Variants in PLXNA2 observed in about 807,000 individuals in gnomAD.
PLXNA2 encodes plexin-A2.
Under a neutral mutation model 193.5 loss-of-function variants are expected in PLXNA2, and 91 were observed. The ratio of observed to expected loss-of-function variants is 0.47; its 90% CI spans 0.40 to 0.56. PLXNA2 has a LOEUF of 0.56. Among genes scored for constraint, PLXNA2 ranks in the 20% least tolerant of loss-of-function variants. PLXNA2 has a pLI of 0.00. For synonymous variants in PLXNA2, 997 were observed against 1,027.3 expected, an observed-to-expected ratio of 0.97 and a Z score of 0.56; for missense variants, 1,995 against 2,503.2, an observed-to-expected ratio of 0.80 and a Z score of 4.33.
chr1:208,209,330 A>G (rs959480258), intron 3 of PLXNA2, among the ~76,000 whole-genome samples: 1 of 152,116 alleles, frequency 6.6e-6, no homozygotes, highest in Non-Finnish European at 1.5e-5. Flanking sequence ...ATCCCTCCCA[A>G]GGCTCTAAAT....
rs547621555 is a variant in PLXNA2 at position 208,172,926 on chromosome 1, C to T, written c.1372-30463G>A. Among the ~76,000 whole-genome samples, 209 of 152,268 alleles carry T rather than the reference C, an allele frequency of 1.4e-3. 1 individual carries two copies. Among genetic ancestry groups the T allele is most frequent in the African/African-American group, 4.7e-3 (194 of 41,548 alleles). ...ATCAGTTCAACATCACAGAAAGAGC[C>T]CAGGCCTGAGAGGGAGAAGATTAAC... is the stretch of plus-strand genomic sequence containing the variant. On this transcript the variant is annotated intron_variant, in intron 3 of 31. Transcript: ENST00000367033.
intron 28 of PLXNA2, 31 bp downstream of exon 28, chr1:208,033,288 C>A (rs1664562942): frequency 6.3e-7 from 1 of 1,581,124 alleles, no homozygotes; most frequent in Non-Finnish European, 8.6e-7. Flanking sequence ...CTTTAACAAG[C>A]ACTCCCTGGT....
chr1:208,098,775 T>C, intron 6 of PLXNA2, 71 bp downstream of exon 6: 3 of 1,537,332 alleles, frequency 2.0e-6, no homozygotes, highest in Non-Finnish European at 2.7e-6. Context: ...TGTGCAAGCG[T>C]GAATGGAGCA....
chr1:208,216,498 T>C (rs1003862053), intron 2 of PLXNA2, among the ~76,000 whole-genome samples: 1 of 152,230 alleles, frequency 6.6e-6, no homozygotes, highest in African/African-American at 2.4e-5. Context: ...TAGCACCTGA[T>C]GTGATGTAGG....
At chr1:208,234,023 C>G (rs1254454865) in intron 1 of PLXNA2, among the ~76,000 whole-genome samples, 1 of 152,088 alleles carries the variant, frequency 6.6e-6, no homozygotes, top group Admixed American at 6.5e-5. Context: ...CGTGAGATGC[C>G]TGTCTGCTCT....
chr1:208,118,182 T>G (rs6698132), intron 4 of PLXNA2, among the ~76,000 whole-genome samples: 8,472 of 152,306 alleles, frequency 0.056, 275 homozygotes, highest in Non-Finnish European at 0.073. Flanking sequence ...TTGTTCACTA[T>G]CAGGCTTATT....
chr1:208,080,103 G>A (rs1232292154), intron 11 of PLXNA2, among the ~76,000 whole-genome samples: 1 of 152,134 alleles, frequency 6.6e-6, no homozygotes, highest in Non-Finnish European at 1.5e-5. Context: ...CCTGAGAAGT[G>A]AGGACTGTTG....
At chr1:208,080,221 G>A (rs967127110) in intron 11 of PLXNA2, among the ~76,000 whole-genome samples, 1 of 152,126 alleles carries the variant, frequency 6.6e-6, no homozygotes, top group African/African-American at 2.4e-5. Context: ...AAAAAAGGGG[G>A]TGACACAGTC....
chr1:208,187,696 A>G (rs903357269), intron 3 of PLXNA2, among the ~76,000 whole-genome samples: 1 of 152,180 alleles, frequency 6.6e-6, no homozygotes, highest in East Asian at 1.9e-4. Context: ...AATGACCAGG[A>G]TCTTGTAAAA....
chr1:208,143,091 T>G (rs1271229704), intron 3 of PLXNA2, among the ~76,000 whole-genome samples: 1 of 152,174 alleles, frequency 6.6e-6, no homozygotes, highest in East Asian at 1.9e-4. Context: ...GACTGAGATG[T>G]CATCTAGTCC....
At chr1:208,149,928 C>A (rs1282902574) in intron 3 of PLXNA2, among the ~76,000 whole-genome samples, 1 of 152,104 alleles carries the variant, frequency 6.6e-6, no homozygotes, top group Non-Finnish European at 1.5e-5. Context: ...GCTGGCCCCG[C>A]CCTCTGAGCT....
chr1:208,106,619 A>T (rs1000180036), intron 4 of PLXNA2, among the ~76,000 whole-genome samples: 10 of 152,214 alleles, frequency 6.6e-5, no homozygotes, highest in Admixed American at 4.6e-4. Flanking sequence ...TGGATTTGGA[A>T]GATTTAGAGA....
intron 26 of PLXNA2, among the ~76,000 whole-genome samples, chr1:208,037,807 T>C (rs1217058377): frequency 6.6e-6 from 1 of 152,026 alleles, no homozygotes; most frequent in East Asian, 1.9e-4. Flanking sequence ...TTGAATCTAT[T>C]CTATACAACT....
intron 1 of PLXNA2, among the ~76,000 whole-genome samples, chr1:208,227,215 A>C (rs1480164567): frequency 2.6e-5 from 4 of 151,994 alleles, no homozygotes; most frequent in Non-Finnish European, 5.9e-5. Flanking sequence ...ATTACTAGCA[A>C]CTCTCACTTA....
chr1:208,033,556 C>A, intron 27 of PLXNA2, 47 bp from the exon 28 acceptor site: 2 of 1,487,176 alleles, frequency 1.3e-6, no homozygotes, highest in Non-Finnish European at 1.8e-6. Context: ...AGTCACCAGC[C>A]TTGCTTGTAG....
At chr1:208,202,696 C>T (rs561592366) in intron 3 of PLXNA2, among the ~76,000 whole-genome samples, 13 of 152,300 alleles carry the variant, frequency 8.5e-5, no homozygotes, top group African/African-American at 3.1e-4. Context: ...GCACCTTGGC[C>T]TCTTGAAAAT....
At chr1:208,069,078 G>T (rs1216404138) in intron 12 of PLXNA2, among the ~76,000 whole-genome samples, 1 of 152,192 alleles carries the variant, frequency 6.6e-6, no homozygotes, top group Admixed American at 6.5e-5. Flanking sequence ...TATAAAGGTG[G>T]CTAGTTTAAG....
intron 22 of PLXNA2, among the ~76,000 whole-genome samples, chr1:208,040,606 G>C (rs371487791): frequency 9.8e-5 from 15 of 152,298 alleles, no homozygotes; most frequent in South Asian, 8.3e-4. Flanking sequence ...TAACCTCTCT[G>C]GTTTCAGTAT....
intron 4 of PLXNA2, 130 bp downstream of exon 4, chr1:208,142,199 C>T (rs937541595): frequency 7.0e-6 from 7 of 996,604 alleles, no homozygotes; most frequent in Non-Finnish European, 9.8e-6. Context: ...AGGCACTCTG[C>T]CTCTCTCAAG....
Sources: gnomAD v4.1 joint callset for allele counts (sites outside exome capture counted in the v4.1 genomes callset) on GRCh38, gnomAD v4.1.1 for gene constraint, MANE v1.5 for transcripts, NCBI Gene and HGNC (gene_info 2026-07-23, HGNC 2026-07-21) for gene names.